The following PAN3 variants were observed in gnomAD, a reference collection of about 807,000 sequenced individuals.
PAN3 encodes poly(A) specific ribonuclease subunit PAN3.
PAN3 carries 19 observed loss-of-function variants against 96.2 expected under a neutral mutation model. The ratio of observed to expected loss-of-function variants is 0.20; its 90% CI spans 0.14 to 0.29. The LOEUF (loss-of-function observed/expected upper bound fraction) is 0.29. Ranked by LOEUF, PAN3 falls within the 10% of genes least tolerant of loss-of-function variation. The pLI is 1.00. For missense variants in PAN3, 882 were observed against 1,108.1 expected (o/e 0.80, Z 2.90); for synonymous variants, 433 against 406.6 (o/e 1.06, Z -0.78).
intron 6 of PAN3, among the ~76,000 whole-genome samples, chr13:28,249,010 TCTC>T (rs1484464769): frequency 1.3e-5 from 2 of 152,240 alleles, no homozygotes; most frequent in African/African-American, 2.4e-5. Flanking sequence ...GCAAATATTT[TCTC>T]CTATTTTGTG....
intron 2 of PAN3, 28 bp downstream of exon 2, chr13:28,174,421 C>T (rs1267804642): frequency 6.2e-7 from 1 of 1,605,912 alleles, no homozygotes; most frequent in South Asian, 1.1e-5. Context: ...TCATATTGCA[C>T]TATGAAGTTT....
At chr13:28,171,203 A>C (rs1173297387) in intron 1 of PAN3, among the ~76,000 whole-genome samples, 2 of 152,198 alleles carry the variant, frequency 1.3e-5, no homozygotes, top group Non-Finnish European at 2.9e-5. Context: ...CCCTCAAATA[A>C]AAATGTGTTC....
chr13:28,140,279 ATC>A (rs1161179708), intron 1 of PAN3, among the ~76,000 whole-genome samples: 1 of 152,098 alleles, frequency 6.6e-6, no homozygotes, highest in Non-Finnish European at 1.5e-5. Context: ...TGTGAGCGTA[ATC>A]TGTTAGAGAA....
intron 3 of PAN3, among the ~76,000 whole-genome samples, chr13:28,177,029 A>C (rs972512227): frequency 6.6e-6 from 1 of 152,144 alleles, no homozygotes; most frequent in Non-Finnish European, 1.5e-5. Flanking sequence ...TATGTACTAC[A>C]TTGTGAAGAG....
rs1880482588 is a variant in PAN3 at position 28,214,468 on chromosome 13, A to C, written c.853-5763A>C. The C allele has an allele frequency of 1.3e-5, 3 of 224,144 alleles. No individual in the cohort carries two copies. The South Asian group carries it at 1.9e-4, about 14-fold the overall frequency. 13.9% of individuals were successfully genotyped at this position (224,144 alleles called of 1,614,324 possible). The stretch of plus-strand genomic sequence containing the variant: ...GAACCCAATCAACTTTTTTGCAACG[A>C]GTTTGCCACCAGAACACAGGTGTCA... On this transcript the variant is annotated intron_variant, in intron 5 of 18. Transcript: ENST00000380958.
chr13:28,162,977 C>T (rs1030805040), intron 1 of PAN3, among the ~76,000 whole-genome samples: 8 of 151,766 alleles, frequency 5.3e-5, no homozygotes, highest in Admixed American at 6.6e-5. Context: ...AATTTAAGGC[C>T]GAATGCAGTG....
At chr13:28,188,178 G>T (rs895863537) in intron 4 of PAN3, among the ~76,000 whole-genome samples, 1 of 152,070 alleles carries the variant, frequency 6.6e-6, no homozygotes, top group African/African-American at 2.4e-5. Context: ...ACACTCCTAA[G>T]GGTCTTAGGT....
rs144752924 is a variant in PAN3, at chr13:28,166,689, G to A, written c.431-7583G>A. On this transcript the variant is annotated intron_variant, in intron 1 of 18. Coordinates refer to ENST00000380958, the MANE Select transcript of PAN3 (RefSeq NM_175854.8). ...TTCTGAGGAATCCTTTGAAATCTAG[G>A]TGGGGATAGCCATGCCTCTGAGTGT... is the stretch of plus-strand genomic sequence containing the variant. Among the ~76,000 whole-genome samples the A allele has an allele frequency of 4.6e-3, 701 of 152,290 alleles. 6 individuals carry two copies. Among genetic ancestry groups the A allele is most frequent in the African/African-American group, 0.015 (638 of 41,556 alleles).
intron 4 of PAN3, among the ~76,000 whole-genome samples, chr13:28,186,430 C>T (rs530433886): frequency 6.6e-6 from 1 of 152,088 alleles, no homozygotes; most frequent in East Asian, 1.9e-4. Context: ...ATAAAATAGG[C>T]GCTATGTCCC....
At chr13:28,190,529 G>A (rs1167248993) in intron 4 of PAN3, among the ~76,000 whole-genome samples, 2 of 152,128 alleles carry the variant, frequency 1.3e-5, no homozygotes, top group Non-Finnish European at 2.9e-5. Flanking sequence ...CAGAGTGCTA[G>A]GATTACAGGT....
chr13:28,164,833 G>A (rs1206522879), intron 1 of PAN3, among the ~76,000 whole-genome samples: 1 of 152,148 alleles, frequency 6.6e-6, no homozygotes. Flanking sequence ...CTGCAGGATT[G>A]GATTTTTTTA....
At chr13:28,142,739 G>T (rs1167186030) in intron 1 of PAN3, among the ~76,000 whole-genome samples, 1 of 152,082 alleles carries the variant, frequency 6.6e-6, no homozygotes, top group Non-Finnish European at 1.5e-5. Context: ...GACAACAAAA[G>T]AAACAAAAGA....
At chr13:28,277,202 G>A in intron 14 of PAN3, 35 bp from the exon 15 acceptor site, 1 of 1,574,188 alleles carries the variant, frequency 6.4e-7, no homozygotes, top group Non-Finnish European at 8.7e-7. Flanking sequence ...CCTGTGAAAT[G>A]AAAATTAAAA....
chr13:28,193,128 A>G (rs956514974), intron 4 of PAN3, among the ~76,000 whole-genome samples: 7 of 152,202 alleles, frequency 4.6e-5, no homozygotes, highest in African/African-American at 1.2e-4. Flanking sequence ...AAGTTTACGA[A>G]TTCTTGTTGG....
chr13:28,240,536 C>T (rs9513058), intron 6 of PAN3, among the ~76,000 whole-genome samples: 70,209 of 152,008 alleles, frequency 0.46, 19,827 homozygotes, highest in Admixed American at 0.62. Flanking sequence ...TATTACCTAG[C>T]CAGTATTTGA....
intron 8 of PAN3, 117 bp downstream of exon 8, chr13:28,260,668 C>G (rs959028503): frequency 1.0e-5 from 8 of 796,566 alleles, no homozygotes; most frequent in Non-Finnish European, 1.5e-5. Context: ...TCTAGTAAAG[C>G]ACATCGAATT....
At chr13:28,263,938 TCAAA>T (rs1040305870) in intron 9 of PAN3, among the ~76,000 whole-genome samples, 10 of 152,218 alleles carry the variant, frequency 6.6e-5, no homozygotes, top group African/African-American at 2.4e-4. Flanking sequence ...TTAGACATTT[TCAAA>T]CAAACACCGC....
Position 28,194,466 on chromosome 13 carries a change from A to ATAT in PAN3, c.691-2718_691-2717insATT, listed in dbSNP as rs1429166016. On this transcript the variant is annotated intron_variant, in intron 4 of 18. Coordinates refer to ENST00000380958, the MANE Select transcript of PAN3 (RefSeq NM_175854.8). ...TATATGTATGTATATATATATATAT[A>ATAT]TTTTTTTTTTTTTTTTTTTGTAGAG... 3.3e-3 allele frequency among the ~76,000 whole-genome samples: 407 copies of ATAT among 122,130 alleles called. 4 individuals are homozygous for ATAT. Among genetic ancestry groups the ATAT allele is most frequent in the African/African-American group, 0.012 (343 of 27,674 alleles). 80.1% of individuals were successfully genotyped at this position (122,130 alleles called of 152,430 possible).
intron 6 of PAN3, among the ~76,000 whole-genome samples, chr13:28,254,135 C>T (rs75540073): frequency 0.011 from 1,615 of 152,222 alleles, 25 homozygotes; most frequent in African/African-American, 0.036. Context: ...TTCCTGTTTT[C>T]GTATGTGTGT....
Sources: allele counts gnomAD v4.1 joint callset (sites outside exome capture counted in the v4.1 genomes callset), GRCh38; gene constraint gnomAD v4.1.1; transcripts MANE v1.5; gene names NCBI Gene and HGNC (gene_info 2026-07-23, HGNC 2026-07-21).